The following ARHGAP22 variants were observed in gnomAD, a reference collection of about 807,000 sequenced individuals.
ARHGAP22 encodes Rho GTPase activating protein 22, also known as rho GTPase-activating protein 22.
In ARHGAP22, 48 loss-of-function variants were observed where a neutral mutation model predicts 59.1. The observed-to-expected ratio is 0.81, with a 90% confidence interval of 0.64 to 1.03. The LOEUF (loss-of-function observed/expected upper bound fraction) is 1.03, where lower values mean the gene tolerates loss of function less well. Among genes scored for constraint, ARHGAP22 ranks in the 50% least tolerant of loss-of-function variants. The pLI is 0.00. For synonymous variants in ARHGAP22, 445 were observed against 416.4 expected, an observed-to-expected ratio of 1.07 and a Z score of -0.84; for missense variants, 1,015 against 958.7, an observed-to-expected ratio of 1.06 and a Z score of -0.78.
chr10:48,580,926 TC>T (rs1309490502), intron 2 of ARHGAP22, among the ~76,000 whole-genome samples: 4 of 42,808 alleles, frequency 9.3e-5, no homozygotes, highest in African/African-American at 2.9e-4. Flanking sequence ...AATGATACAA[TC>T]TAAAGTAAAA....
At chr10:48,538,991 G>T (rs538637961) in intron 3 of ARHGAP22, among the ~76,000 whole-genome samples, 28 of 152,310 alleles carry the variant, frequency 1.8e-4, no homozygotes, top group African/African-American at 6.5e-4. Flanking sequence ...ATCTTCTAAA[G>T]TGGGGAAGAA....
chr10:48,604,272 C>A (rs1396410716), intron 1 of ARHGAP22, among the ~76,000 whole-genome samples: 1 of 152,220 alleles, frequency 6.6e-6, no homozygotes, highest in Admixed American at 6.5e-5. Flanking sequence ...GCAGGAAAGC[C>A]TGCCTGCCCC....
chr10:48,616,030 C>T (rs1363472537), intron 1 of ARHGAP22, among the ~76,000 whole-genome samples: 2 of 151,726 alleles, frequency 1.3e-5, no homozygotes, highest in Non-Finnish European at 2.9e-5. Context: ...CAAGAACACC[C>T]TGTTGTATTG....
At chr10:48,453,966 T>C in intron 7 of ARHGAP22, 122 bp downstream of exon 7, 1 of 1,015,710 alleles carries the variant, frequency 9.8e-7, no homozygotes. Context: ...GTTGAGGCTG[T>C]GCAGGGTGGG....
At chr10:48,494,209 A>G (rs1310532111) in intron 3 of ARHGAP22, among the ~76,000 whole-genome samples, 1 of 152,206 alleles carries the variant, frequency 6.6e-6, no homozygotes, top group African/African-American at 2.4e-5. Context: ...GTGAGCTTTC[A>G]GTGGCCCAGG....
intron 2 of ARHGAP22, among the ~76,000 whole-genome samples, chr10:48,562,225 C>CA (rs372671006): frequency 0.22 from 29,917 of 138,318 alleles, 3,173 homozygotes; most frequent in Admixed American, 0.29. Context: ...GACTCCATCT[C>CA]AAAAAAAAAA....
At chr10:48,531,165 T>G (rs182010259) in intron 3 of ARHGAP22, among the ~76,000 whole-genome samples, 7 of 152,204 alleles carry the variant, frequency 4.6e-5, no homozygotes, top group African/African-American at 1.4e-4. Flanking sequence ...GTGAAGTAAC[T>G]CAGGAATGGA....
chr10:48,431,283 A>G, the ARHGAP22 span: 2 of 1,589,072 alleles, frequency 1.3e-6, no homozygotes, highest in South Asian at 2.2e-5. Context: ...TGGTTACAAT[A>G]TAAGCTTGGT....
chr10:48,492,838 C>A (rs1040137896), intron 3 of ARHGAP22, among the ~76,000 whole-genome samples: 2 of 152,190 alleles, frequency 1.3e-5, no homozygotes, highest in Non-Finnish European at 2.9e-5. Context: ...CAGGCCACTG[C>A]ACTCAGCCAA....
In ARHGAP22 at chr10:48,457,076, G is replaced by A. The variant is rs555711579; in HGVS notation, c.660-1942C>T. ...CAGCTGGTCAGGGGACGAGGTGCCT[G>A]CCCTGGGGACAAAGAGGCCCTGGTG... On this transcript the variant is annotated intron_variant, in intron 5 of 9. Transcript: ENST00000249601. Among the ~76,000 whole-genome samples the A allele has an allele frequency of 2.0e-5, 3 of 152,234 alleles. No individual in the cohort carries two copies. In the East Asian group the frequency reaches 5.8e-4, roughly 29 times the overall value.
chr10:48,468,816 C>T (rs112464588), intron 4 of ARHGAP22, among the ~76,000 whole-genome samples: 1 of 152,138 alleles, frequency 6.6e-6, no homozygotes, highest in African/African-American at 2.4e-5. Flanking sequence ...GGCTAAGGTC[C>T]TCAAAACTGG....
Position 48,591,192 on chromosome 10 carries a change from C to T in ARHGAP22, c.35-8040G>A, listed in dbSNP as rs368026896. Among the ~76,000 whole-genome samples the T allele has an allele frequency of 7.9e-5, 12 of 152,106 alleles. No individual in the cohort carries two copies. In the South Asian group the frequency reaches 1.9e-3, roughly 24 times the overall value. ...CTAAGAGGGAGGGTGACTGCGAGCC[C>T]GCAGACTCAAAAAGAAATGAAGCCT... On this transcript the variant is annotated intron_variant, in intron 1 of 9. Coordinates refer to ENST00000249601, the MANE Select transcript of ARHGAP22 (RefSeq NM_021226.4).
At chr10:48,655,263 G>GT (rs1565071158), upstream of ARHGAP22, among the ~76,000 whole-genome samples, 3 of 123,966 alleles carry the variant, frequency 2.4e-5, no homozygotes, top group Non-Finnish European at 5.0e-5. Flanking sequence ...GTGTGGGGGG[G>GT]GGGGGGGGCG....
intron 3 of ARHGAP22, among the ~76,000 whole-genome samples, chr10:48,518,880 T>C (rs2053550888): frequency 6.6e-6 from 1 of 152,162 alleles, no homozygotes; most frequent in African/African-American, 2.4e-5. Flanking sequence ...ACTGGCAGGA[T>C]GTGGGGATGG....
downstream of ARHGAP22, among the ~76,000 whole-genome samples, chr10:48,443,003 G>A (rs1016998794): frequency 6.6e-6 from 1 of 152,128 alleles, no homozygotes; most frequent in African/African-American, 2.4e-5. Flanking sequence ...GGGCAGGCGG[G>A]CTCTGGAGTC....
chr10:48,507,089 C>T (rs532407037), intron 3 of ARHGAP22, among the ~76,000 whole-genome samples: 2 of 152,326 alleles, frequency 1.3e-5, no homozygotes, highest in East Asian at 3.9e-4. Flanking sequence ...TTCCCAAGCA[C>T]CATCATCATC....
rs60232523 is a variant in ARHGAP22, at chr10:48,616,119, C to T, written c.53-32967G>A. 2.4e-3 allele frequency among the ~76,000 whole-genome samples: 358 copies of T among 152,166 alleles called. 1 individual carries two copies. Among genetic ancestry groups the T allele is most frequent in the African/African-American group, 8.1e-3 (338 of 41,514 alleles). On this transcript the variant is annotated intron_variant, in intron 1 of 9. Transcript: ENST00000435790. ...TATAAGTTAAAAATCTGTGGCAATG[C>T]TGTGTCAAGTGAGTCTATCAGTGCC...
At chr10:48,575,265 A>G (rs1215480469) in intron 2 of ARHGAP22, 2 of 152,244 alleles carry the variant, frequency 1.3e-5, no homozygotes, top group Non-Finnish European at 2.9e-5. Flanking sequence ...CTCTTTAAAA[A>G]AAAATTATCC....
chr10:48,442,218 CTG>C (rs1168023539), downstream of ARHGAP22, among the ~76,000 whole-genome samples: 1 of 152,204 alleles, frequency 6.6e-6, no homozygotes, highest in Non-Finnish European at 1.5e-5. Context: ...TGCCTCAACT[CTG>C]GGGCTGTGCT....
Sources: allele counts gnomAD v4.1 joint callset (sites outside exome capture counted in the v4.1 genomes callset), GRCh38; gene constraint gnomAD v4.1.1; transcripts MANE v1.5; gene names NCBI Gene and HGNC (gene_info 2026-07-23, HGNC 2026-07-21).